The following PDIA6 variants were observed in gnomAD, a reference collection of about 807,000 sequenced individuals.
PDIA6 encodes the protein protein disulfide isomerase family A member 6, also known as protein disulfide-isomerase A6.
In PDIA6, 29 loss-of-function variants were observed where a neutral mutation model predicts 58.4. The ratio of observed to expected loss-of-function variants is 0.50; its 90% CI spans 0.37 to 0.68. PDIA6 has a LOEUF of 0.68. Among genes scored for constraint, PDIA6 ranks in the 30% least tolerant of loss-of-function variants. The probability of loss-of-function intolerance (pLI) is 0.00; values close to 1 mark genes in which losing one functional copy is unlikely to be tolerated. For synonymous variants in PDIA6, 192 were observed against 202.6 expected, an observed-to-expected ratio of 0.95 and a Z score of 0.44; for missense variants, 480 against 551.0, an observed-to-expected ratio of 0.87 and a Z score of 1.29.
upstream of PDIA6, chr2:10,812,902 A>C: frequency 4.6e-6 from 5 of 1,079,370 alleles, no homozygotes; most frequent in African/African-American, 1.7e-5. Context: ...TCACATATCC[A>C]ATGGGAGGCG....
At chr2:10,812,596 C>T in intron 1 of PDIA6, 82 bp downstream of exon 1, 3 of 1,358,528 alleles carry the variant, frequency 2.2e-6, no homozygotes, top group African/African-American at 1.5e-5. Context: ...GCGGCCGCGG[C>T]CCGCCGGGGA....
At position 10,787,421 on chromosome 2, in the gene PDIA6, A is replaced by G. The variant is rs1334227320; in HGVS notation, c.1017T>C (p.Ala339=). The G allele has an allele frequency of 1.9e-6, 3 of 1,613,550 alleles. No homozygotes were observed. Among genetic ancestry groups the G allele is most frequent in the South Asian group, 2.2e-5 (2 of 90,958 alleles). ...KKMWGWLWTE[A]GAQSELETAL... is the part of the protein sequence containing the mutation. Reference sequence around the variant, plus strand: ...CGGTCTCAAGTTCAGACTGGGCTCCAGCTTCTGTCCACAGCCACCTAGAAA... The same window carrying G: ...CGGTCTCAAGTTCAGACTGGGCTCCGGCTTCTGTCCACAGCCACCTAGAAA... Residue 339 remains alanine, a synonymous_variant, in exon 11 of 13, where the codon GCT becomes GCC. Transcript: ENST00000272227.
chr2:10,833,542 G>A (rs1381352515), upstream of PDIA6, among the ~76,000 whole-genome samples: 4 of 152,178 alleles, frequency 2.6e-5, no homozygotes, highest in Non-Finnish European at 5.9e-5. Flanking sequence ...CCTGACTTCT[G>A]CCAGGTAGAG....
intron 10 of PDIA6, among the ~76,000 whole-genome samples, chr2:10,787,838 G>A (rs1462439944): frequency 6.6e-6 from 1 of 152,218 alleles, no homozygotes; most frequent in Non-Finnish European, 1.5e-5. Flanking sequence ...GCCAAGATAG[G>A]TGGATCACCT....
chr2:10,786,641 A>C (rs17455708), intron 11 of PDIA6, among the ~76,000 whole-genome samples: 11 of 152,122 alleles, frequency 7.2e-5, no homozygotes, highest in Non-Finnish European at 1.5e-4. Context: ...CAAGCCTCTC[A>C]ACTACCTTTT....
At chr2:10,830,014 A>G (rs1307769499) in intron 1 of PDIA6, among the ~76,000 whole-genome samples, 1 of 152,202 alleles carries the variant, frequency 6.6e-6, no homozygotes, top group Non-Finnish European at 1.5e-5. Flanking sequence ...GTCTCTGCCT[A>G]GGATGCTTCT....
Position 10,791,777 on chromosome 2 carries a change from TTAG to T in PDIA6, c.584+15_584+17del. On this transcript the variant is annotated intron_variant, in intron 6 of 12. Coordinates refer to ENST00000272227, the MANE Select transcript of PDIA6 (RefSeq NM_005742.4). ...AAAACACTGTGAATGAACAGACTAC[TTAG>T]TAGAAGGCACTTACTTTTTGCAGTG... 1 of 1,610,238 alleles carries T rather than the reference TTAG, an allele frequency of 6.2e-7. No homozygotes were observed. Among genetic ancestry groups the T allele is most frequent in the Non-Finnish European group, 8.5e-7 (1 of 1,178,328 alleles).
At chr2:10,807,736 G>A (rs1482122447) in intron 1 of PDIA6, among the ~76,000 whole-genome samples, 1 of 152,142 alleles carries the variant, frequency 6.6e-6, no homozygotes, top group Non-Finnish European at 1.5e-5. Context: ...CACTTTTTCT[G>A]GAAGGAGTGT....
At chr2:10,829,017 T>A (rs941726850) in intron 1 of PDIA6, among the ~76,000 whole-genome samples, 3 of 152,210 alleles carry the variant, frequency 2.0e-5, no homozygotes, top group Non-Finnish European at 4.4e-5. Context: ...GTGACCCAGG[T>A]CACCCTCTCT....
intron 11 of PDIA6, among the ~76,000 whole-genome samples, chr2:10,785,760 CTT>C (rs931671839): frequency 3.9e-5 from 6 of 152,226 alleles, no homozygotes; most frequent in African/African-American, 2.4e-5. Flanking sequence ...AAGTCACACT[CTT>C]TTGCCCAGGC....
chr2:10,803,194 G>A (rs1475545746), intron 1 of PDIA6, among the ~76,000 whole-genome samples: 1 of 152,200 alleles, frequency 6.6e-6, no homozygotes, highest in African/African-American at 2.4e-5. Flanking sequence ...TTTCGCTCTT[G>A]TTGCCCAGGC....
At chr2:10,831,095 CT>C (rs1429615786) in intron 1 of PDIA6, among the ~76,000 whole-genome samples, 1 of 152,224 alleles carries the variant, frequency 6.6e-6, no homozygotes, top group Non-Finnish European at 1.5e-5. Flanking sequence ...CCCCCCTTCT[CT>C]CTTTCCGGGA....
At chr2:10,812,632 A>G (rs1667052961) in intron 1 of PDIA6, 46 bp downstream of exon 1, 2 of 1,498,842 alleles carry the variant, frequency 1.3e-6, no homozygotes, top group Non-Finnish European at 8.9e-7. Flanking sequence ...GAAACCTTTC[A>G]GGCCGACCCC....
intron 1 of PDIA6, among the ~76,000 whole-genome samples, chr2:10,803,505 C>CACATTATTA (rs576446151): frequency 1.5e-4 from 23 of 151,416 alleles, no homozygotes; most frequent in Admixed American, 1.4e-3. Context: ...CTATCCATAA[C>CACATTATTA]ACATTATCAG....
chr2:10,787,580 G>T, intron 10 of PDIA6, 141 bp from the exon 11 acceptor site: 1 of 837,840 alleles, frequency 1.2e-6, no homozygotes, highest in South Asian at 1.9e-5. Context: ...GTTTCTATAT[G>T]GATTTTCCCT....
chr2:10,784,407 G>A (rs1665598366), intron 12 of PDIA6, 81 bp from the exon 13 acceptor site: 4 of 1,060,020 alleles, frequency 3.8e-6, no homozygotes, highest in Non-Finnish European at 2.8e-6. Flanking sequence ...ATGGAAGAGC[G>A]ACTCTCTGGA....
At chr2:10,816,234 C>G (rs1042773312), upstream of PDIA6, among the ~76,000 whole-genome samples, 9 of 152,060 alleles carry the variant, frequency 5.9e-5, no homozygotes, top group Middle Eastern at 3.4e-3. Context: ...AGGCACCCAC[C>G]ACCATGTCCG....
intron 2 of PDIA6, 69 bp from the exon 3 acceptor site, chr2:10,797,826 T>A: frequency 7.7e-7 from 1 of 1,304,292 alleles, no homozygotes; most frequent in Non-Finnish European, 1.1e-6. Context: ...ATTCAAAAAT[T>A]CAATTAAAAA....
In PDIA6 at chr2:10,803,100, G is replaced by A. The variant is rs180775518; in HGVS notation, c.20-460C>T. Among the ~76,000 whole-genome samples the A allele has an allele frequency of 1.6e-4, 25 of 152,266 alleles. No homozygotes were observed. In the East Asian group the frequency reaches 4.8e-3, roughly 29 times the overall value. On this transcript the variant is annotated intron_variant, in intron 1 of 12. Transcript: ENST00000272227. ...ATCTTTATTCAAATATATTTTTGAAGGGAAAATAATTATTGTCTCTTCCAC... is the reference window on the plus strand; with the variant it reads ...ATCTTTATTCAAATATATTTTTGAAAGGAAAATAATTATTGTCTCTTCCAC...
Sources: allele counts gnomAD v4.1 joint callset (sites outside exome capture counted in the v4.1 genomes callset), GRCh38; gene constraint gnomAD v4.1.1; transcripts MANE v1.5; gene names NCBI Gene and HGNC (gene_info 2026-07-23, HGNC 2026-07-21).